The following RNF10 variants were observed in gnomAD, a reference collection of about 807,000 sequenced individuals.
The protein encoded by RNF10 is ring finger protein 10, also known as E3 ubiquitin-protein ligase RNF10.
Under a neutral mutation model 91.4 loss-of-function variants are expected in RNF10, and 38 were observed. The ratio of observed to expected loss-of-function variants is 0.42; its 90% CI spans 0.32 to 0.54. RNF10 has a LOEUF of 0.54. Among genes scored for constraint, RNF10 ranks in the 20% least tolerant of loss-of-function variants. The probability of loss-of-function intolerance (pLI) is 0.16; values close to 1 mark genes in which losing one functional copy is unlikely to be tolerated. For missense variants in RNF10, 945 were observed against 1,012.0 expected, an observed-to-expected ratio of 0.93 and a Z score of 0.90; for synonymous variants, 364 against 366.3, an observed-to-expected ratio of 0.99 and a Z score of 0.07.
chr12:120,567,062 C>T (rs2137244629), intron 13 of RNF10, 82 bp downstream of exon 13: 5 of 1,384,242 alleles, frequency 3.6e-6, no homozygotes, highest in African/African-American at 1.5e-5. Flanking sequence ...AACCCCGGCC[C>T]ACTCAGCATG....
intron 14 of RNF10, among the ~76,000 whole-genome samples, chr12:120,572,560 T>C (rs776370703): frequency 1.3e-5 from 2 of 152,100 alleles, no homozygotes; most frequent in African/African-American, 2.4e-5. Flanking sequence ...GATTAACAAG[T>C]GGCTCCCAGG....
At chr12:120,568,315 C>T (rs1481304464) in intron 13 of RNF10, among the ~76,000 whole-genome samples, 1 of 152,030 alleles carries the variant, frequency 6.6e-6, no homozygotes, top group Non-Finnish European at 1.5e-5. Context: ...AGGAATGAGA[C>T]TGGATTGAAA....
chr12:120,553,401 CT>C (rs1243050601), intron 3 of RNF10, among the ~76,000 whole-genome samples: 1,760 of 95,052 alleles, frequency 0.019, 28 homozygotes, highest in African/African-American at 0.061. Context: ...AAGAGGAATT[CT>C]TTTTTTTTTT....
chr12:120,540,509 A>G (rs556454042), intron 1 of RNF10, among the ~76,000 whole-genome samples: 2 of 152,264 alleles, frequency 1.3e-5, no homozygotes, highest in Admixed American at 6.5e-5. Context: ...CAAGTTGTCC[A>G]CAAAACATTT....
intron 2 of RNF10, among the ~76,000 whole-genome samples, chr12:120,550,383 A>G (rs887040562): frequency 2.6e-5 from 4 of 152,102 alleles, no homozygotes; most frequent in Non-Finnish European, 5.9e-5. Context: ...AGCTAGGACA[A>G]GCTGAAGATG....
At chr12:120,563,123 A>G (rs999798151) in intron 8 of RNF10, 53 bp downstream of exon 8, 8 of 1,611,570 alleles carry the variant, frequency 5.0e-6, no homozygotes, top group Non-Finnish European at 6.8e-6. Context: ...GCTGTCATTG[A>G]GCTGGTAGGC....
intron 14 of RNF10, among the ~76,000 whole-genome samples, chr12:120,573,566 C>G (rs552026387): frequency 6.6e-6 from 1 of 151,310 alleles, no homozygotes; most frequent in East Asian, 1.9e-4. Context: ...AAAAGATTAC[C>G]CGACGCCGAG....
chr12:120,567,041 T>A (rs894666241), intron 13 of RNF10, 61 bp downstream of exon 13: 4 of 1,538,298 alleles, frequency 2.6e-6, no homozygotes, highest in Middle Eastern at 1.7e-4. Context: ...AGCTTTGGTG[T>A]CTGAGTTTAC....
chr12:120,553,110 G>T (rs538838733), intron 3 of RNF10, among the ~76,000 whole-genome samples: 9 of 113,000 alleles, frequency 8.0e-5, no homozygotes, highest in Non-Finnish European at 1.4e-4. Context: ...TTGAGATGTA[G>T]TCTCGCTCTG....
intron 7 of RNF10, 49 bp downstream of exon 7, chr12:120,560,935 C>A: frequency 6.3e-7 from 1 of 1,582,398 alleles, no homozygotes; most frequent in Non-Finnish European, 8.6e-7. Context: ...TCTCGGCGTT[C>A]TGTGGTGAAA....
At position 120,539,531 on chromosome 12, in the gene RNF10, G is replaced by A. The variant is rs192341681; in HGVS notation, c.157+4563G>A. 1.8e-5 allele frequency: 14 copies of A among 760,330 alleles called. No individual in the cohort carries two copies. The African/African-American group carries it at 2.0e-4, about 11-fold the overall frequency. The allele number at this position is 760,330 out of a possible 1,614,324, so 47.1% of individuals were successfully genotyped here. A position where few individuals can be genotyped will look rare whatever the true frequency, so the allele number is the denominator to read the frequency against. ...GCAGAAACTTGCTGACTGGTATTCT[G>A]ACCTCTAGGCCGAGCCACCTGTTAG... is the stretch of plus-strand genomic sequence containing the variant. On this transcript the variant is annotated intron_variant, in intron 1 of 16. Transcript: ENST00000325954.
Position 120,565,561 on chromosome 12 carries a change from A to G in RNF10, c.1885+32A>G, listed in dbSNP as rs560641005. The G allele has an allele frequency of 1.2e-5, 19 of 1,570,904 alleles. No homozygotes were observed. In the African/African-American group the frequency reaches 1.3e-4, roughly 11 times the overall value. ...TCAGGAACTTTCATCTTTGACTAGC[A>G]CTGCTGTACGTCGTTGTATAGAACT... On this transcript the variant is annotated intron_variant, in intron 12 of 16. Transcript: ENST00000325954.
At chr12:120,539,261 C>G in intron 1 of RNF10, 1 of 485,984 alleles carries the variant, frequency 2.1e-6, no homozygotes, top group South Asian at 1.7e-5. Context: ...TTTATGAAGT[C>G]CTAGGCGGTA....
chr12:120,537,365 G>A (rs752224502), intron 1 of RNF10, among the ~76,000 whole-genome samples: 102 of 152,074 alleles, frequency 6.7e-4, no homozygotes, highest in Non-Finnish European at 1.4e-3. Context: ...GGTGGCTCAC[G>A]CCTGTAATCC....
At chr12:120,544,140 T>C (rs1326975284) in intron 1 of RNF10, among the ~76,000 whole-genome samples, 1 of 151,832 alleles carries the variant, frequency 6.6e-6, no homozygotes, top group Non-Finnish European at 1.5e-5. Context: ...GGCAGGAGAA[T>C]TGCTGGAACC....
chr12:120,556,263 G>A (rs142900172), intron 4 of RNF10, among the ~76,000 whole-genome samples: 6,891 of 151,508 alleles, frequency 0.045, 260 homozygotes, highest in South Asian at 0.099. Flanking sequence ...CGCCGGGCGC[G>A]GTGGCTCACG....
At chr12:120,556,254 G>GC (rs1279125437) in intron 4 of RNF10, among the ~76,000 whole-genome samples, 3 of 151,308 alleles carry the variant, frequency 2.0e-5, no homozygotes, top group African/African-American at 7.3e-5. Context: ...TTGAACTCTC[G>GC]CCGGGCGCGG....
At chr12:120,540,855 T>C (rs1871443486) in intron 1 of RNF10, among the ~76,000 whole-genome samples, 1 of 96 alleles carries the variant, frequency 0.01, no homozygotes, top group South Asian at 0.5. Flanking sequence ...GTTTACTTTC[T>C]TTTTTTTTTT....
At chr12:120,571,101 C>G (rs1876553004) in intron 13 of RNF10, 90 bp from the exon 14 acceptor site, 4 of 708,420 alleles carry the variant, frequency 5.6e-6, no homozygotes, top group Non-Finnish European at 9.4e-6. Context: ...TTGTAATTTT[C>G]CAGACCTGAC....
Sources: gnomAD v4.1 joint callset for allele counts (sites outside exome capture counted in the v4.1 genomes callset) on GRCh38, gnomAD v4.1.1 for gene constraint, MANE v1.5 for transcripts, NCBI Gene and HGNC (gene_info 2026-07-23, HGNC 2026-07-21) for gene names.